PTPRD: variants seen among roughly 807,000 people sequenced by gnomAD.
PTPRD encodes protein tyrosine phosphatase receptor type D.
In PTPRD, 34 loss-of-function variants were observed where a neutral mutation model predicts 214.5. The ratio of observed to expected loss-of-function variants is 0.16; its 90% CI spans 0.12 to 0.21. The LOEUF (loss-of-function observed/expected upper bound fraction) is 0.21. PTPRD is among the 10% of genes least tolerant of loss of function. The probability of loss-of-function intolerance (pLI) is 1.00; values close to 1 mark genes in which losing one functional copy is unlikely to be tolerated. For missense variants in PTPRD, 2,545 were observed against 2,398.7 expected (o/e 1.06, Z -1.27); for synonymous variants, 1,128 against 845.7 (o/e 1.33, Z -5.79).
chr9:8,515,046 G>A (rs933902034), intron 21 of PTPRD, among the ~76,000 whole-genome samples: 2 of 152,172 alleles, frequency 1.3e-5, no homozygotes, highest in Non-Finnish European at 2.9e-5. Flanking sequence ...ATGTGAAATT[G>A]TGAGTCGATT....
chr9:9,533,064 T>A (rs2075823848), intron 8 of PTPRD, among the ~76,000 whole-genome samples: 1 of 152,152 alleles, frequency 6.6e-6, no homozygotes, highest in South Asian at 2.1e-4. Context: ...CTCTGGCATG[T>A]GTATATAATA....
intron 7 of PTPRD, among the ~76,000 whole-genome samples, chr9:9,706,409 A>G (rs370685282): frequency 2.6e-5 from 4 of 151,952 alleles, no homozygotes; most frequent in Non-Finnish European, 4.4e-5. Flanking sequence ...GTTATTTACA[A>G]TATGTCATTG....
At chr9:9,506,450 G>C (rs1476608316) in intron 8 of PTPRD, among the ~76,000 whole-genome samples, 1 of 151,288 alleles carries the variant, frequency 6.6e-6, no homozygotes, top group East Asian at 1.9e-4. Context: ...TCAATCTTTA[G>C]AATCCTGCCT....
At chr9:9,802,046 C>A (rs1382919078) in intron 5 of PTPRD, among the ~76,000 whole-genome samples, 2 of 152,014 alleles carry the variant, frequency 1.3e-5, no homozygotes, top group African/African-American at 4.8e-5. Context: ...TTATGCATTT[C>A]AAATTGAATG....
intron 10 of PTPRD, among the ~76,000 whole-genome samples, chr9:9,031,595 T>C (rs2099605623): frequency 6.6e-6 from 1 of 152,054 alleles, no homozygotes. Context: ...AGCTCTATTA[T>C]AATCTTAAGG....
chr9:9,770,722 G>T (rs2154481462), intron 5 of PTPRD, among the ~76,000 whole-genome samples: 1 of 152,192 alleles, frequency 6.6e-6, no homozygotes, highest in Middle Eastern at 3.4e-3. Context: ...TTGCTTCCAA[G>T]TATATTCACT....
chr9:9,082,656 C>T (rs1027523657), intron 10 of PTPRD, among the ~76,000 whole-genome samples: 3 of 152,024 alleles, frequency 2.0e-5, no homozygotes, highest in Non-Finnish European at 4.4e-5. Flanking sequence ...AAAACCCCAT[C>T]GTATCAGCCC....
intron 8 of PTPRD, among the ~76,000 whole-genome samples, chr9:9,464,419 T>C (rs1221668804): frequency 1.3e-5 from 2 of 152,194 alleles, no homozygotes; most frequent in Non-Finnish European, 2.9e-5. Flanking sequence ...ATCATTGCAT[T>C]TTAAGCTGTT....
chr9:8,712,597 T>G (rs2098362862), intron 12 of PTPRD, among the ~76,000 whole-genome samples: 1 of 152,144 alleles, frequency 6.6e-6, no homozygotes, highest in Middle Eastern at 3.2e-3. Flanking sequence ...ATACAGCAAT[T>G]TTACAGGTAG....
intron 5 of PTPRD, among the ~76,000 whole-genome samples, chr9:9,769,134 A>T (rs2098730676): frequency 2.0e-5 from 3 of 152,086 alleles, no homozygotes; most frequent in Non-Finnish European, 4.4e-5. Context: ...CAAAATAACA[A>T]CAAGGAAAGA....
At chr9:10,127,164 C>T (rs2098826203) in intron 3 of PTPRD, among the ~76,000 whole-genome samples, 1 of 150,792 alleles carries the variant, frequency 6.6e-6, no homozygotes, top group Admixed American at 6.8e-5. Flanking sequence ...ATATCCTGAG[C>T]CCCATGTGTT....
At chr9:8,329,222 C>T (rs552475812) in intron 44 of PTPRD, among the ~76,000 whole-genome samples, 7 of 151,928 alleles carry the variant, frequency 4.6e-5, no homozygotes, top group African/African-American at 9.7e-5. Flanking sequence ...TCTGGGTGGA[C>T]GTGCTATTCC....
rs190753959 is a variant in PTPRD at position 9,116,022 on chromosome 9, A to G, written c.-143+67282T>C. Among the ~76,000 whole-genome samples the G allele has an allele frequency of 1.7e-4, 26 of 152,242 alleles. No homozygotes were observed. In the East Asian group the frequency reaches 5.0e-3, roughly 29 times the overall value. ...CTTATAAGTGAGCTAAACATTGGAT[A>G]CACATGGACATGAAGATGGGAACAA... On this transcript the variant is annotated intron_variant, in intron 10 of 45. Transcript: ENST00000381196.
chr9:9,908,227 T>A (rs915543707), intron 5 of PTPRD, among the ~76,000 whole-genome samples: 4 of 152,038 alleles, frequency 2.6e-5, no homozygotes, highest in Admixed American at 6.6e-5. Context: ...TTTACACATA[T>A]AGAACATTCC....
chr9:10,606,549 G>C (rs919227907), intron 2 of PTPRD, among the ~76,000 whole-genome samples: 5 of 126,468 alleles, frequency 4.0e-5, no homozygotes, highest in African/African-American at 1.4e-4. Flanking sequence ...TTTTTTTTCT[G>C]TTTCTGTGCT....
At chr9:8,366,766 C>T (rs989358159) in intron 39 of PTPRD, among the ~76,000 whole-genome samples, 3 of 152,200 alleles carry the variant, frequency 2.0e-5, no homozygotes, top group African/African-American at 7.2e-5. Flanking sequence ...TTGTTTGGAA[C>T]TGCCAAAATG....
chr9:9,691,202 A>G (rs2097264176), intron 7 of PTPRD, among the ~76,000 whole-genome samples: 1 of 151,914 alleles, frequency 6.6e-6, no homozygotes, highest in Non-Finnish European at 1.5e-5. Flanking sequence ...ATTATTAACA[A>G]TAGTCCCCGT....
At chr9:9,857,771 C>A (rs1381519532) in intron 5 of PTPRD, among the ~76,000 whole-genome samples, 2 of 152,178 alleles carry the variant, frequency 1.3e-5, no homozygotes, top group African/African-American at 2.4e-5. Flanking sequence ...ACGGACCACA[C>A]AGATATTTAT....
At chr9:10,219,003 C>T (rs2099553990) in intron 3 of PTPRD, among the ~76,000 whole-genome samples, 2 of 151,684 alleles carry the variant, frequency 1.3e-5, no homozygotes, top group African/African-American at 4.8e-5. Context: ...TACCCACTAA[C>T]ATTGAGCTAA....
Sources: gnomAD v4.1 joint callset for allele counts (sites outside exome capture counted in the v4.1 genomes callset) on GRCh38, gnomAD v4.1.1 for gene constraint, MANE v1.5 for transcripts, NCBI Gene and HGNC (gene_info 2026-07-23, HGNC 2026-07-21) for gene names.